ENPEP: variants seen among roughly 807,000 people sequenced by gnomAD.
ENPEP encodes AP-A.
In ENPEP, 103 loss-of-function variants were observed where a neutral mutation model predicts 114.5. That is an observed-to-expected ratio of 0.90 (90% CI 0.77 to 1.06). ENPEP has a LOEUF of 1.06. Among genes scored for constraint, ENPEP ranks in the 50% least tolerant of loss-of-function variants. ENPEP has a pLI of 0.00. For synonymous variants in ENPEP, 420 were observed against 422.0 expected (o/e 1.00, Z 0.06); for missense variants, 1,196 against 1,161.3 (o/e 1.03, Z -0.43).
intron 1 of ENPEP, among the ~76,000 whole-genome samples, chr4:110,478,518 T>A (rs1209979216): frequency 6.6e-6 from 1 of 152,260 alleles, no homozygotes; most frequent in Non-Finnish European, 1.5e-5. Flanking sequence ...AATCAAACCT[T>A]TAATTGCATT....
intron 10 of ENPEP, among the ~76,000 whole-genome samples, chr4:110,522,935 A>G (rs1029132287): frequency 6.6e-6 from 1 of 152,176 alleles, no homozygotes; most frequent in African/African-American, 2.4e-5. Flanking sequence ...AAGGGAGGAT[A>G]TGAATAAATA....
chr4:110,488,321 T>A (rs548044451), intron 1 of ENPEP, among the ~76,000 whole-genome samples: 1 of 152,358 alleles, frequency 6.6e-6, no homozygotes. Flanking sequence ...GAATGAAATA[T>A]CTGAAGCAAT....
intron 7 of ENPEP, among the ~76,000 whole-genome samples, chr4:110,514,868 A>G (rs1483934763): frequency 1.3e-5 from 2 of 152,150 alleles, no homozygotes; most frequent in Admixed American, 6.5e-5. Context: ...TACTGAGAAG[A>G]GAAAGATTAT....
chr4:110,554,446 C>G (rs1043515885), intron 18 of ENPEP, among the ~76,000 whole-genome samples: 1 of 152,098 alleles, frequency 6.6e-6, no homozygotes, highest in East Asian at 1.9e-4. Context: ...TACATTGCTT[C>G]TGCCTGCTTG....
At chr4:110,520,623 C>G (rs1725953989) in intron 10 of ENPEP, among the ~76,000 whole-genome samples, 1 of 151,988 alleles carries the variant, frequency 6.6e-6, no homozygotes. Flanking sequence ...AATAAACCTA[C>G]AAGAATAAAG....
chr4:110,479,313 T>C (rs1167156563), intron 1 of ENPEP, among the ~76,000 whole-genome samples: 3 of 152,194 alleles, frequency 2.0e-5, no homozygotes, highest in Non-Finnish European at 4.4e-5. Flanking sequence ...CCATTAAATA[T>C]GAGTATTTAA....
Position 110,515,438 on chromosome 4 carries a change from G to A in ENPEP, c.1505G>A (p.Cys502Tyr), listed in dbSNP as rs1223622637. 15 of 1,592,714 alleles carry A rather than the reference G, an allele frequency of 9.4e-6. No homozygotes were observed. The highest frequency in any genetic ancestry group is 1.2e-5 in the Non-Finnish European group (14 of 1,173,688). Residue 502 changes from cysteine (C) to tyrosine (Y), a missense_variant, in exon 8 of 20, where the codon TGT becomes TAT. Cys to Tyr is a radical substitution (Grantham distance 194). Coordinates refer to ENST00000265162, the MANE Select transcript of ENPEP (RefSeq NM_001977.4). ...AAACCAGAGAATTTTCAAAAAGGAT[G>A]TCAGGTATGATTTATTACTTTTAGT... ...WIKPENFQKG[C>Y]QMYLEKYQFK... is the part of the protein sequence containing the mutation.
At chr4:110,485,859 G>T (rs1312193720) in intron 1 of ENPEP, among the ~76,000 whole-genome samples, 1 of 151,860 alleles carries the variant, frequency 6.6e-6, no homozygotes, top group Non-Finnish European at 1.5e-5. Context: ...TCACAGAAGT[G>T]ATGTGTCTCT....
chr4:110,560,950 T>C (rs900807886), intron 19 of ENPEP, among the ~76,000 whole-genome samples: 1 of 151,924 alleles, frequency 6.6e-6, no homozygotes, highest in African/African-American at 2.4e-5. Flanking sequence ...TCAGAGGGAG[T>C]ACAGCACTAA....
At chr4:110,491,556 C>G (rs557976609) in intron 3 of ENPEP, among the ~76,000 whole-genome samples, 1 of 152,202 alleles carries the variant, frequency 6.6e-6, no homozygotes, top group Non-Finnish European at 1.5e-5. Flanking sequence ...AAGGAACATC[C>G]TTCGAATGAC....
chr4:110,518,636 C>T (rs1725868231), intron 8 of ENPEP, among the ~76,000 whole-genome samples: 1 of 152,146 alleles, frequency 6.6e-6, no homozygotes, highest in South Asian at 2.1e-4. Context: ...GCAGTAACAA[C>T]AATAACAGTG....
At chr4:110,523,037 G>A (rs1448994302) in intron 10 of ENPEP, among the ~76,000 whole-genome samples, 1 of 152,186 alleles carries the variant, frequency 6.6e-6, no homozygotes, top group East Asian at 1.9e-4. Flanking sequence ...GGTGCTGTGA[G>A]TGCCTGTAAG....
At chr4:110,543,592 T>G (rs1726935220) in intron 13 of ENPEP, among the ~76,000 whole-genome samples, 1 of 152,030 alleles carries the variant, frequency 6.6e-6, no homozygotes, top group Non-Finnish European at 1.5e-5. Context: ...GAAGGTAACC[T>G]GCTCTTTAGA....
chr4:110,549,422 T>C lies in ENPEP; in HGVS notation c.2225+3T>C, dbSNP rs757554322. ...GATGCTGGAGACCATGTCACAAAGT[T>C]ATTCTCACTTTTTAACAACTAAAAT... On this transcript the variant is annotated splice_donor_region_variant and intron_variant, in intron 15 of 19. Coordinates refer to ENST00000265162, the MANE Select transcript of ENPEP (RefSeq NM_001977.4). 8.7e-6 allele frequency: 14 copies of C among 1,613,176 alleles called. No homozygotes were observed. The highest frequency in any genetic ancestry group is 1.2e-5 in the Non-Finnish European group (14 of 1,179,386).
rs756555288 is a variant in ENPEP at position 110,561,558 on chromosome 4, A to G, written c.2874A>G (p.Ter958=). The change falls in exon 20 of 20, where the codon TAA becomes TAG. Residue 958 remains the stop codon, a stop_retained_variant. Coordinates refer to ENST00000265162, the MANE Select transcript of ENPEP (RefSeq NM_001977.4). ...TTTTTAATTTACTTGAGAGTGGTTAATGTATTCAAATGTTAGAGTTTAATT... is the reference window on the plus strand; with the variant it reads ...TTTTTAATTTACTTGAGAGTGGTTAGTGTATTCAAATGTTAGAGTTTAATT... ...EWFFNLLESG[*] 1.9e-6 allele frequency: 3 copies of G among 1,605,356 alleles called. No individual in the cohort carries two copies. The highest frequency in any genetic ancestry group is 2.5e-6 in the Non-Finnish European group (3 of 1,177,474).
intron 10 of ENPEP, among the ~76,000 whole-genome samples, chr4:110,526,868 G>T (rs2110369732): frequency 6.6e-6 from 1 of 152,278 alleles, no homozygotes; most frequent in African/African-American, 2.4e-5. Context: ...ATGTTCCAAA[G>T]ATTTTATTGA....
chr4:110,548,473 C>A, intron 14 of ENPEP, 147 bp downstream of exon 14: 1 of 557,982 alleles, frequency 1.8e-6, no homozygotes, highest in African/African-American at 1.9e-5. Context: ...CTTGACTAAT[C>A]AAAGCAAAGC....
chr4:110,515,351 C>A (rs954657351), intron 7 of ENPEP, 26 bp from the exon 8 acceptor site: 1 of 1,585,240 alleles, frequency 6.3e-7, no homozygotes, highest in Admixed American at 1.7e-5. Flanking sequence ...TTATTAGTTT[C>A]ATTTGTCTTT....
intron 10 of ENPEP, among the ~76,000 whole-genome samples, chr4:110,527,165 A>G (rs1039803876): frequency 1.2e-4 from 18 of 152,158 alleles, no homozygotes; most frequent in African/African-American, 4.1e-4. Context: ...TGACTTTCCA[A>G]GGCATCAGAG....
Sources: gnomAD v4.1 joint callset for allele counts (sites outside exome capture counted in the v4.1 genomes callset) on GRCh38, gnomAD v4.1.1 for gene constraint, MANE v1.5 for transcripts, NCBI Gene and HGNC (gene_info 2026-07-23, HGNC 2026-07-21) for gene names.